Variants in TENM2 observed in about 807,000 individuals in gnomAD.
The protein encoded by TENM2 is teneurin transmembrane protein 2, also known as teneurin-2.
Under a neutral mutation model 245.2 loss-of-function variants are expected in TENM2, and 52 were observed. The observed-to-expected ratio is 0.21, with a 90% CI of 0.17 to 0.27. The LOEUF is 0.27. Ranked by LOEUF, TENM2 falls within the 10% of genes least tolerant of loss-of-function variation. TENM2 has a pLI of 1.00. For synonymous variants in TENM2, 1,363 were observed against 1,438.9 expected, an observed-to-expected ratio of 0.95 and a Z score of 1.19; for missense variants, 3,046 against 3,666.8, an observed-to-expected ratio of 0.83 and a Z score of 4.37.
rs149402827 is a variant in TENM2 at position 167,925,501 on chromosome 5, T to C, written c.713-27087T>C. Among the ~76,000 whole-genome samples, 29 of 152,332 alleles carry C rather than the reference T, an allele frequency of 1.9e-4. No homozygotes were observed. The East Asian group carries it at 5.2e-3, about 27-fold the overall frequency. ...TCAAATTATATGCTTAAGACACTGC[T>C]GGTGGGAGTGTAAATTAGTTCAACC... On this transcript the variant is annotated intron_variant, in intron 3 of 28. Transcript: ENST00000518659.
intron 1 of TENM2, among the ~76,000 whole-genome samples, chr5:167,361,868 A>C (rs1759739113): frequency 6.6e-6 from 1 of 152,194 alleles, no homozygotes; most frequent in South Asian, 2.1e-4. Flanking sequence ...GATATATTTT[A>C]GTGGAGAATT....
chr5:167,093,126 C>T, the TENM2 span, among the ~76,000 whole-genome samples: 40 of 151,434 alleles, frequency 2.6e-4, no homozygotes, highest in South Asian at 1.3e-3. Flanking sequence ...GGATTCTCTA[C>T]GAAAGAGGAT....
At chr5:167,242,032 TTTTTTTG>T in the TENM2 span, among the ~76,000 whole-genome samples, 76 of 150,870 alleles carry the variant, frequency 5.0e-4, no homozygotes, top group Middle Eastern at 3.4e-3. Context: ...CTTTGTTTTC[TTTTTTTG>T]TTTTTTGTTT....
intron 4 of TENM2, among the ~76,000 whole-genome samples, chr5:167,985,934 A>G (rs554104427): frequency 6.6e-6 from 1 of 152,372 alleles, no homozygotes; most frequent in South Asian, 2.1e-4. Context: ...TCCGCTTCTC[A>G]AAGCTACCAC....
chr5:167,417,487 A>T (rs1763229009), intron 2 of TENM2, among the ~76,000 whole-genome samples: 1 of 152,070 alleles, frequency 6.6e-6, no homozygotes, highest in Non-Finnish European at 1.5e-5. Context: ...GCTTATTCTT[A>T]TTCCAGCCTA....
chr5:167,237,367 A>T, the TENM2 span, among the ~76,000 whole-genome samples: 1 of 152,166 alleles, frequency 6.6e-6, no homozygotes, highest in Admixed American at 6.5e-5. Context: ...ACTTGTTGAC[A>T]CCTGTGGAAT....
intron 2 of TENM2, among the ~76,000 whole-genome samples, chr5:167,571,595 A>G (rs1383131066): frequency 6.6e-6 from 1 of 152,176 alleles, no homozygotes; most frequent in East Asian, 1.9e-4. Flanking sequence ...TCACTAAGGA[A>G]GCGGTAAAAA....
the TENM2 span, among the ~76,000 whole-genome samples, chr5:167,231,993 C>A: frequency 5.9e-5 from 9 of 152,154 alleles, no homozygotes; most frequent in Admixed American, 5.9e-4. Flanking sequence ...ATTCAAGCCC[C>A]AAGTATTGGT....
intron 2 of TENM2, among the ~76,000 whole-genome samples, chr5:167,626,636 C>T (rs556737448): frequency 2.0e-5 from 3 of 152,130 alleles, no homozygotes; most frequent in East Asian, 3.9e-4. Context: ...TTTTTAAGTT[C>T]GGGGTGATTC....
chr5:167,252,157 G>A, the TENM2 span, among the ~76,000 whole-genome samples: 1 of 152,096 alleles, frequency 6.6e-6, no homozygotes, highest in East Asian at 1.9e-4. Flanking sequence ...AAAGAGAAGA[G>A]CTTAGAGGGC....
chr5:167,718,115 T>C (rs1029294256), intron 2 of TENM2, among the ~76,000 whole-genome samples: 1 of 152,230 alleles, frequency 6.6e-6, no homozygotes, highest in Non-Finnish European at 1.5e-5. Flanking sequence ...AGGGACTTAC[T>C]GGCTTCCTGC....
At chr5:167,522,854 C>T (rs530313762) in intron 2 of TENM2, among the ~76,000 whole-genome samples, 4 of 152,026 alleles carry the variant, frequency 2.6e-5, no homozygotes, top group Non-Finnish European at 5.9e-5. Context: ...ACCTAGGCAG[C>T]TATGTGTGTT....
chr5:167,018,860 A>G, the TENM2 span, among the ~76,000 whole-genome samples: 4 of 152,362 alleles, frequency 2.6e-5, no homozygotes, highest in African/African-American at 7.2e-5. Flanking sequence ...TGCAGCTTCA[A>G]TTCTCACATT....
At chr5:167,168,185 T>C in the TENM2 span, 2 of 152,250 alleles carry the variant, frequency 1.3e-5, no homozygotes, top group Non-Finnish European at 2.9e-5. Flanking sequence ...GTGTATAAGT[T>C]TGAATTGTTT....
chr5:167,486,105 A>G (rs1419192530), intron 2 of TENM2, among the ~76,000 whole-genome samples: 1 of 152,156 alleles, frequency 6.6e-6, no homozygotes, highest in East Asian at 1.9e-4. Context: ...TATTTTCAAA[A>G]TGATTTCACA....
intron 2 of TENM2, among the ~76,000 whole-genome samples, chr5:167,706,723 AG>A (rs1172138671): frequency 6.6e-6 from 1 of 152,066 alleles, no homozygotes; most frequent in African/African-American, 2.4e-5. Context: ...ATAGTGTTAA[AG>A]GGTTGCCCGG....
intron 3 of TENM2, among the ~76,000 whole-genome samples, chr5:167,889,588 C>T (rs1774580194): frequency 6.6e-6 from 1 of 152,154 alleles, no homozygotes; most frequent in Non-Finnish European, 1.5e-5. Context: ...TTACATGTCG[C>T]TCTTCCTGTA....
the TENM2 span, among the ~76,000 whole-genome samples, chr5:167,034,670 G>T: frequency 9.4e-4 from 142 of 150,356 alleles, no homozygotes; most frequent in Middle Eastern, 3.5e-3. Flanking sequence ...ATTTTAAAGT[G>T]GTTCAGGAAA....
chr5:167,444,244 A>C (rs1285425162), intron 2 of TENM2, among the ~76,000 whole-genome samples: 2 of 151,698 alleles, frequency 1.3e-5, no homozygotes, highest in Non-Finnish European at 2.9e-5. Flanking sequence ...AATATCCAGT[A>C]GATATGTCTC....
Sources: gnomAD v4.1 joint callset for allele counts (sites outside exome capture counted in the v4.1 genomes callset) on GRCh38, gnomAD v4.1.1 for gene constraint, MANE v1.5 for transcripts, NCBI Gene and HGNC (gene_info 2026-07-23, HGNC 2026-07-21) for gene names.